Variants in SRSF4 observed in about 807,000 individuals in gnomAD.
SRSF4 encodes the protein serine/arginine-rich splicing factor 4.
SRSF4 carries 12 observed loss-of-function variants against 48.8 expected under a neutral mutation model. That is an observed-to-expected ratio of 0.25 (90% confidence interval 0.16 to 0.40). The LOEUF is 0.40. Ranked by LOEUF, SRSF4 falls within the 10% of genes least tolerant of loss-of-function variation. SRSF4 has a pLI of 1.00. For synonymous variants in SRSF4, 248 were observed against 232.5 expected, an observed-to-expected ratio of 1.07 and a Z score of -0.61; for missense variants, 466 against 667.1, an observed-to-expected ratio of 0.70 and a Z score of 3.32.
intron 3 of SRSF4, among the ~76,000 whole-genome samples, chr1:29,158,385 A>C (rs936308998): frequency 3.3e-5 from 5 of 152,038 alleles, no homozygotes; most frequent in Non-Finnish European, 5.9e-5. Context: ...GATGGTTTCA[A>C]CCATTTTATT....
chr1:29,150,086 T>A lies in SRSF4; in HGVS notation c.668+17A>T. On this transcript the variant is annotated intron_variant, in intron 5 of 5. Transcript: ENST00000373795. Reference sequence around the variant, plus strand: ...ATTCCCTGCTGACCACCTCTACTTATAACATGGAAGACATACCTGGACCGA... The same window carrying A: ...ATTCCCTGCTGACCACCTCTACTTAAAACATGGAAGACATACCTGGACCGA... 1.2e-6 allele frequency: 2 copies of A among 1,603,024 alleles called. No individual in the cohort carries two copies. Among genetic ancestry groups the A allele is most frequent in the Non-Finnish European group, 1.7e-6 (2 of 1,173,688 alleles).
chr1:29,178,601 C>A (rs1012140599), intron 1 of SRSF4, among the ~76,000 whole-genome samples: 1 of 152,088 alleles, frequency 6.6e-6, no homozygotes, highest in African/African-American at 2.4e-5. Context: ...CGTCATCTGC[C>A]CGCCTCGGCC....
At chr1:29,162,188 G>C (rs1672608716) in intron 1 of SRSF4, among the ~76,000 whole-genome samples, 1 of 152,178 alleles carries the variant, frequency 6.6e-6, no homozygotes, top group South Asian at 2.1e-4. Flanking sequence ...CAATTTATGG[G>C]CTGTGAAGTC....
intron 1 of SRSF4, among the ~76,000 whole-genome samples, chr1:29,161,960 G>T (rs1672603754): frequency 6.6e-6 from 1 of 152,184 alleles, no homozygotes. Flanking sequence ...CAGAATTGTG[G>T]AATTTTTCCT....
At chr1:29,153,600 ATTTTTTT>A (rs113402257) in intron 4 of SRSF4, among the ~76,000 whole-genome samples, 2 of 133,060 alleles carry the variant, frequency 1.5e-5, no homozygotes, top group Non-Finnish European at 3.3e-5. Flanking sequence ...TCTGATTTCC[ATTTTTTT>A]TTTTTTTTTT....
chr1:29,149,779 T>C (rs765868200), intron 5 of SRSF4, among the ~76,000 whole-genome samples: 2 of 151,394 alleles, frequency 1.3e-5, no homozygotes, highest in Non-Finnish European at 2.9e-5. Flanking sequence ...CAGTGGCTCA[T>C]GTCTGTAATC....
At chr1:29,158,848 G>A (rs1041427596) in intron 3 of SRSF4, among the ~76,000 whole-genome samples, 21 of 151,880 alleles carry the variant, frequency 1.4e-4, no homozygotes, top group Admixed American at 9.2e-4. Context: ...CAGGCCGGGC[G>A]CGGTGGCTCA....
intron 5 of SRSF4, among the ~76,000 whole-genome samples, chr1:29,149,706 G>GAAA (rs1374557678): frequency 2.1e-4 from 19 of 90,590 alleles, no homozygotes; most frequent in Non-Finnish European, 3.7e-4. Context: ...AAAAAAAAAA[G>GAAA]AAAAAGAAGC....
intron 1 of SRSF4, among the ~76,000 whole-genome samples, chr1:29,176,235 G>C (rs1672850788): frequency 6.6e-6 from 1 of 151,986 alleles, no homozygotes; most frequent in Admixed American, 6.6e-5. Flanking sequence ...CTGGGCGACA[G>C]AGCAAGACTC....
At chr1:29,178,550 G>C (rs1203555448) in intron 1 of SRSF4, among the ~76,000 whole-genome samples, 1 of 151,574 alleles carries the variant, frequency 6.6e-6, no homozygotes, top group Non-Finnish European at 1.5e-5. Context: ...TAGAGACGGG[G>C]TTTCACCATC....
intron 1 of SRSF4, among the ~76,000 whole-genome samples, chr1:29,180,480 G>A (rs866324044): frequency 5.9e-5 from 9 of 152,284 alleles, no homozygotes; most frequent in Middle Eastern, 3.4e-3. Flanking sequence ...TTGAGAATAC[G>A]GTAGCTACCA....
At chr1:29,158,427 G>A (rs1672534173) in intron 3 of SRSF4, among the ~76,000 whole-genome samples, 1 of 141,838 alleles carries the variant, frequency 7.1e-6, no homozygotes. Context: ...CCATCTTCTT[G>A]TAACCCTTTT....
Position 29,151,847 on chromosome 1 carries a change from T to G in SRSF4, c.579-1655A>C, listed in dbSNP as rs568815058. ...ATGCTACAACAAAATAAATGTACAG[T>G]GTGCTTGTATAAATACATACATACA... On this transcript the variant is annotated intron_variant, in intron 4 of 5. Transcript: ENST00000373795. Among the ~76,000 whole-genome samples, 2 of 152,252 alleles carry G rather than the reference T, an allele frequency of 1.3e-5. 1 individual carries two copies. Among genetic ancestry groups the G allele is most frequent in the Non-Finnish European group, 2.9e-5 (2 of 68,046 alleles).
chr1:29,154,083 C>T (rs537048237), intron 4 of SRSF4, among the ~76,000 whole-genome samples: 7 of 150,174 alleles, frequency 4.7e-5, no homozygotes, highest in South Asian at 2.1e-4. Flanking sequence ...GATGGAGTTT[C>T]GCTCTTGTTG....
intron 3 of SRSF4, among the ~76,000 whole-genome samples, chr1:29,156,494 T>C (rs1196110454): frequency 6.6e-6 from 1 of 152,202 alleles, no homozygotes; most frequent in African/African-American, 2.4e-5. Context: ...CTAAATTCTT[T>C]CAATAACCTT....
chr1:29,177,247 A>G (rs1286007115), intron 1 of SRSF4, among the ~76,000 whole-genome samples: 2 of 150,944 alleles, frequency 1.3e-5, no homozygotes, highest in Non-Finnish European at 2.9e-5. Flanking sequence ...TGCATCTAGG[A>G]TTCCTGCCCC....
chr1:29,181,801 G>A lies in SRSF4; in HGVS notation c.-49C>T, dbSNP rs760989681. On this transcript the variant is annotated 5_prime_UTR_variant, in exon 1 of 6. Transcript: ENST00000373795. ...GCCCCGGCCCCAGCCCCCCTTAGGC[G>A]GCGGCGGGCAAAGCGAGAGCACGGC... 8.1e-6 allele frequency: 12 copies of A among 1,486,850 alleles called. No individual in the cohort carries two copies. In the South Asian group the frequency reaches 1.1e-4, roughly 14 times the overall value. 92.1% of individuals were successfully genotyped at this position (1,486,850 alleles called of 1,614,324 possible).
intron 1 of SRSF4, among the ~76,000 whole-genome samples, chr1:29,167,196 T>C (rs1299695307): frequency 6.6e-6 from 1 of 152,212 alleles, no homozygotes; most frequent in Non-Finnish European, 1.5e-5. Context: ...TGTTTAGAAG[T>C]CTATAACGAC....
At chr1:29,158,231 C>G (rs545583102) in intron 3 of SRSF4, among the ~76,000 whole-genome samples, 2 of 151,794 alleles carry the variant, frequency 1.3e-5, no homozygotes, top group South Asian at 4.2e-4. Context: ...AATCTTAATT[C>G]TTGACACCAA....
Sources: allele counts gnomAD v4.1 joint callset (sites outside exome capture counted in the v4.1 genomes callset), GRCh38; gene constraint gnomAD v4.1.1; transcripts MANE v1.5; gene names NCBI Gene and HGNC (gene_info 2026-07-23, HGNC 2026-07-21).